Variants in PARD3 observed in about 807,000 individuals in gnomAD.
The protein encoded by PARD3 is partitioning defective 3 homolog.
PARD3 carries 75 observed loss-of-function variants against 155.4 expected under a neutral mutation model. The observed-to-expected ratio is 0.48, with a 90% CI of 0.40 to 0.58. The LOEUF is 0.58. Among genes scored for constraint, PARD3 ranks in the 20% least tolerant of loss-of-function variants. PARD3 has a pLI of 0.00. For missense variants in PARD3, 1,642 were observed against 1,721.7 expected (o/e 0.95, Z 0.82); for synonymous variants, 576 against 610.5 (o/e 0.94, Z 0.83).
chr10:34,657,018 T>C (rs2093187605), intron 2 of PARD3, among the ~76,000 whole-genome samples: 1 of 152,202 alleles, frequency 6.6e-6, no homozygotes, highest in Admixed American at 6.5e-5. Context: ...TACTTTTTAC[T>C]CTGTGTAGAA....
Position 34,487,640 on chromosome 10 carries a change from C to CT in PARD3, c.404-17378dup, listed in dbSNP as rs34106630. 6.5e-3 allele frequency among the ~76,000 whole-genome samples: 929 copies of CT among 141,984 alleles called. 11 individuals carry two copies. Among genetic ancestry groups the CT allele is most frequent in the African/African-American group, 0.02 (783 of 38,572 alleles). The allele number at this position is 141,984 out of a possible 152,430, so 93.1% of individuals were successfully genotyped here. ...GGCTAGAAATCCCATCCAGGTTTTA[C>CT]TTTTTTTTTTTTTTAACTATTAATT... On this transcript the variant is annotated intron_variant, in intron 3 of 24. Coordinates refer to ENST00000374788, the MANE Select transcript of PARD3 (RefSeq NM_001184785.2).
intron 12 of PARD3, among the ~76,000 whole-genome samples, chr10:34,369,366 G>A (rs940982519): frequency 6.0e-5 from 9 of 151,154 alleles, no homozygotes; most frequent in Admixed American, 4.0e-4. Flanking sequence ...ATCTGCTATC[G>A]TTAGTGTTAG....
intron 22 of PARD3, among the ~76,000 whole-genome samples, chr10:34,173,459 T>C (rs894322731): frequency 6.6e-6 from 1 of 152,214 alleles, no homozygotes; most frequent in Non-Finnish European, 1.5e-5. Context: ...CATGTAATAC[T>C]TATCCACAGG....
chr10:34,651,011 CAAAAAAAAAAAAAAAAAAA>C (rs60113552), intron 2 of PARD3, among the ~76,000 whole-genome samples: 42 of 44,544 alleles, frequency 9.4e-4, no homozygotes, highest in Middle Eastern at 0.016. Flanking sequence ...AACTCTGTCT[CAAAAAAAAAAAAAAAAAAA>C]AAAAAAAAAA....
At chr10:34,610,289 T>C (rs1590220202) in intron 2 of PARD3, among the ~76,000 whole-genome samples, 1 of 152,206 alleles carries the variant, frequency 6.6e-6, no homozygotes, top group South Asian at 2.1e-4. Flanking sequence ...AGTTGCTGAA[T>C]GCTCTTGATT....
chr10:34,393,262 A>C (rs1446345667), intron 7 of PARD3, among the ~76,000 whole-genome samples: 1 of 152,018 alleles, frequency 6.6e-6, no homozygotes, highest in Admixed American at 6.6e-5. Flanking sequence ...AGGTAGATGT[A>C]AATAAGTGAG....
At chr10:34,588,346 C>T (rs929570164) in intron 2 of PARD3, among the ~76,000 whole-genome samples, 3 of 152,296 alleles carry the variant, frequency 2.0e-5, no homozygotes, top group Admixed American at 2.0e-4. Flanking sequence ...TTGTTCTTTG[C>T]TGTAAAGTCT....
chr10:34,269,990 A>G, intron 21 of PARD3, 91 bp from the exon 22 acceptor site: 3 of 1,272,672 alleles, frequency 2.4e-6, no homozygotes, highest in East Asian at 2.5e-5. Context: ...GTTGTAAAAT[A>G]TATTTGATTT....
intron 22 of PARD3, among the ~76,000 whole-genome samples, chr10:34,251,839 A>G (rs961992507): frequency 2.8e-4 from 42 of 152,300 alleles, no homozygotes; most frequent in Non-Finnish European, 3.7e-4. Context: ...CTTATCACAC[A>G]TACATCCCAT....
At chr10:34,764,754 C>T (rs1837873352) in intron 1 of PARD3, among the ~76,000 whole-genome samples, 1 of 152,116 alleles carries the variant, frequency 6.6e-6, no homozygotes, top group Non-Finnish European at 1.5e-5. Flanking sequence ...CAAAACTGAG[C>T]CCAGGAGTGG....
intron 22 of PARD3, among the ~76,000 whole-genome samples, chr10:34,169,704 A>C (rs952440405): frequency 8.5e-5 from 13 of 152,244 alleles, no homozygotes; most frequent in African/African-American, 2.9e-4. Context: ...ACTGGGATAC[A>C]GTTTCAACAA....
At chr10:34,800,610 C>CA (rs1842760531) in intron 1 of PARD3, among the ~76,000 whole-genome samples, 1 of 151,218 alleles carries the variant, frequency 6.6e-6, no homozygotes, top group African/African-American at 2.4e-5. Context: ...GACTCCATCT[C>CA]AAAAAAACAA....
At chr10:34,349,580 T>TAAAAAAAAAAAAAAAAAAAAAAA in intron 14 of PARD3, among the ~76,000 whole-genome samples, 2 of 44,708 alleles carry the variant, frequency 4.5e-5, no homozygotes, top group African/African-American at 1.1e-4. Context: ...TCTGGGAAAG[T>TAAAAAAAAAAAAAAAAAAAAAAA]AAAAAAAAAA....
intron 22 of PARD3, among the ~76,000 whole-genome samples, chr10:34,189,209 C>T (rs1217679339): frequency 1.3e-5 from 2 of 152,052 alleles, no homozygotes; most frequent in African/African-American, 4.8e-5. Flanking sequence ...GGGCATGGTC[C>T]CCAGCTACTT....
intron 1 of PARD3, among the ~76,000 whole-genome samples, chr10:34,779,262 T>C (rs982775205): frequency 2.0e-5 from 3 of 150,916 alleles, no homozygotes; most frequent in African/African-American, 7.3e-5. Context: ...GCCAAGATCA[T>C]GCCACTGCAC....
intron 13 of PARD3, 37 bp from the exon 14 acceptor site, chr10:34,359,354 C>T (rs1424163344): frequency 4.1e-6 from 6 of 1,468,630 alleles, no homozygotes; most frequent in Non-Finnish European, 5.6e-6. Context: ...TGCTATTAAA[C>T]AGACTGCTAT....
rs145900893 is a variant in PARD3, at chr10:34,699,870, G to A, written c.121-3451C>T. Among the ~76,000 whole-genome samples the A allele has an allele frequency of 3.5e-3, 526 of 152,166 alleles. 3 individuals carry two copies. Among genetic ancestry groups the A allele is most frequent in the Non-Finnish European group, 3.7e-3 (249 of 67,986 alleles). On this transcript the variant is annotated intron_variant, in intron 1 of 24. Transcript: ENST00000374788. ...AGCCTGGGCAACAGAGTGAGGCCCCGTCTCTTAGGGGGAAGATAAAAGTTA... is the reference window on the plus strand; with the variant it reads ...AGCCTGGGCAACAGAGTGAGGCCCCATCTCTTAGGGGGAAGATAAAAGTTA...
intron 2 of PARD3, among the ~76,000 whole-genome samples, chr10:34,657,828 C>T (rs748285721): frequency 1.6e-3 from 238 of 151,762 alleles, no homozygotes; most frequent in Non-Finnish European, 3.0e-3. Context: ...CACGAGCCAC[C>T]ACACCTAGCC....
rs767218385 is a variant in PARD3, at chr10:34,470,223, T to C, written c.444A>G (p.Leu148=). 1.9e-6 allele frequency: 3 copies of C among 1,612,426 alleles called. No individual in the cohort carries two copies. Among genetic ancestry groups the C allele is most frequent in the African/African-American group, 1.3e-5 (1 of 74,916 alleles). ...LHVRRSSDPA[L]IGLSTSVSDS... ...CACTGACAGAAGTGGAGAGGCCAAT[T>C]AGAGCTGGGTCACTACTGCGTCGAA... The change falls in exon 4 of 25, where the codon CTA becomes CTG. Residue 148 remains leucine, a synonymous_variant. Transcript: ENST00000374788.
Sources: gnomAD v4.1 joint callset for allele counts (sites outside exome capture counted in the v4.1 genomes callset) on GRCh38, gnomAD v4.1.1 for gene constraint, MANE v1.5 for transcripts, NCBI Gene and HGNC (gene_info 2026-07-23, HGNC 2026-07-21) for gene names.